The following NBEA variants were observed in gnomAD, a reference collection of about 807,000 sequenced individuals.
The protein encoded by NBEA is neurobeachin, also known as lysosomal-trafficking regulator 2.
A neutral mutation model predicts 343.4 loss-of-function variants in NBEA; 44 were observed. The ratio of observed to expected loss-of-function variants is 0.13; its 90% CI spans 0.10 to 0.16. NBEA has a LOEUF of 0.16. NBEA is among the 10% of genes least tolerant of loss of function. The pLI is 1.00. For missense variants in NBEA, 2,555 were observed against 3,631.3 expected, an observed-to-expected ratio of 0.70 and a Z score of 7.62; for synonymous variants, 1,175 against 1,238.7, an observed-to-expected ratio of 0.95 and a Z score of 1.08.
chr13:35,466,666 G>A (rs1293162592), intron 40 of NBEA, among the ~76,000 whole-genome samples: 4 of 152,020 alleles, frequency 2.6e-5, no homozygotes, highest in Non-Finnish European at 5.9e-5. Context: ...ATGAGATCTC[G>A]CTATATTGCC....
At chr13:35,396,057 G>C (rs116960724) in intron 38 of NBEA, among the ~76,000 whole-genome samples, 5,306 of 152,080 alleles carry the variant, frequency 0.035, 135 homozygotes, top group Non-Finnish European at 0.053. Flanking sequence ...ACAACATATA[G>C]TTGAGTATTG....
chr13:35,400,185 T>A (rs1202811861), intron 38 of NBEA, among the ~76,000 whole-genome samples: 1 of 110,836 alleles, frequency 9.0e-6, no homozygotes, highest in Non-Finnish European at 1.7e-5. Context: ...TTGCCACAAC[T>A]CTTCAATTTG....
At chr13:35,183,844 T>C in intron 29 of NBEA, 132 bp from the exon 30 acceptor site, 1 of 575,722 alleles carries the variant, frequency 1.7e-6, no homozygotes, top group South Asian at 2.5e-5. Flanking sequence ...ACTCTTTTCT[T>C]CAGAGATGCA....
chr13:34,949,086 G>A (rs147142109), intron 1 of NBEA, among the ~76,000 whole-genome samples: 9 of 152,246 alleles, frequency 5.9e-5, no homozygotes, highest in African/African-American at 7.2e-5. Context: ...CCCAAGCCTC[G>A]CATGCAGTAT....
At chr13:35,119,581 A>G (rs529729890) in intron 16 of NBEA, among the ~76,000 whole-genome samples, 2 of 151,388 alleles carry the variant, frequency 1.3e-5, no homozygotes, top group Admixed American at 6.6e-5. Context: ...AACTGTTACA[A>G]TTTTTTTTTC....
chr13:35,155,621 T>TGAAA (rs1298393363), intron 18 of NBEA, among the ~76,000 whole-genome samples, 153 bp from the exon 19 acceptor site: 3 of 152,160 alleles, frequency 2.0e-5, no homozygotes, highest in African/African-American at 4.8e-5. Context: ...AACTCCGTCT[T>TGAAA]GAAAGAAAGA....
At chr13:35,169,474 C>T (rs1243088796) in intron 25 of NBEA, among the ~76,000 whole-genome samples, 1 of 151,286 alleles carries the variant, frequency 6.6e-6, no homozygotes, top group African/African-American at 2.4e-5. Context: ...GTCAAAAAAA[C>T]ACTTTGATGG....
At chr13:35,589,693 T>C (rs962822114) in intron 46 of NBEA, among the ~76,000 whole-genome samples, 1 of 152,108 alleles carries the variant, frequency 6.6e-6, no homozygotes, top group African/African-American at 2.4e-5. Flanking sequence ...CGGCATTAGA[T>C]GCCCACGATG....
At chr13:35,371,920 G>C (rs764428227) in intron 38 of NBEA, among the ~76,000 whole-genome samples, 1 of 152,206 alleles carries the variant, frequency 6.6e-6, no homozygotes, top group African/African-American at 2.4e-5. Context: ...TTAGGGTGTA[G>C]TTGTTTGTGG....
chr13:35,479,594 A>G (rs1459187704), intron 41 of NBEA, among the ~76,000 whole-genome samples: 1 of 152,140 alleles, frequency 6.6e-6, no homozygotes, highest in Non-Finnish European at 1.5e-5. Context: ...TGGGAGTAAT[A>G]TATTTAACTA....
chr13:35,640,939 A>G (rs1048840497), intron 49 of NBEA, among the ~76,000 whole-genome samples: 1 of 152,136 alleles, frequency 6.6e-6, no homozygotes, highest in Non-Finnish European at 1.5e-5. Flanking sequence ...TTAGCTGGAG[A>G]GAAAAATAAA....
At chr13:35,148,011 C>T (rs1455599831) in intron 18 of NBEA, among the ~76,000 whole-genome samples, 3 of 152,182 alleles carry the variant, frequency 2.0e-5, no homozygotes, top group Non-Finnish European at 4.4e-5. Context: ...CTTGGGACAA[C>T]CAACTGCCAG....
chr13:35,608,536 G>A (rs1593355736), intron 48 of NBEA, among the ~76,000 whole-genome samples: 4 of 152,102 alleles, frequency 2.6e-5, no homozygotes, highest in Admixed American at 2.6e-4. Flanking sequence ...TCATTCCATT[G>A]TAGCTCCAGA....
chr13:34,962,071 A>G (rs1354409952), intron 1 of NBEA, among the ~76,000 whole-genome samples: 1 of 151,964 alleles, frequency 6.6e-6, no homozygotes, highest in Non-Finnish European at 1.5e-5. Flanking sequence ...TTTATTTTAC[A>G]TTTTTCTTTT....
intron 48 of NBEA, among the ~76,000 whole-genome samples, chr13:35,617,960 TA>T (rs1164908637): frequency 6.6e-6 from 1 of 152,216 alleles, no homozygotes; most frequent in African/African-American, 2.4e-5. Flanking sequence ...TCCTTGAATA[TA>T]GGCTGTATTT....
intron 48 of NBEA, among the ~76,000 whole-genome samples, chr13:35,627,740 TTTAAA>T (rs1173598759): frequency 1.3e-5 from 2 of 152,178 alleles, no homozygotes; most frequent in African/African-American, 4.8e-5. Context: ...AAAAAGGTAA[TTTAAA>T]TTATTTTTCT....
chr13:35,059,586 C>A (rs2063389432), intron 8 of NBEA, among the ~76,000 whole-genome samples: 1 of 151,706 alleles, frequency 6.6e-6, no homozygotes, highest in Admixed American at 6.6e-5. Flanking sequence ...GTTTATAATT[C>A]TGAAGGAGTA....
rs550344611 is a variant in NBEA at position 35,672,057 on chromosome 13, G to A, written c.*1066G>A. 8.7e-4 allele frequency: 132 copies of A among 152,592 alleles called. No homozygotes were observed. The highest frequency in any genetic ancestry group is 2.9e-3 in the African/African-American group (122 of 41,544). The allele number at this position is 152,592 out of a possible 1,614,324, so 9.5% of individuals were successfully genotyped here. On this transcript the variant is annotated 3_prime_UTR_variant, in exon 59 of 59. Coordinates refer to ENST00000379939, the MANE Select transcript of NBEA (RefSeq NM_001385012.1). ...ACTGAAGTTATTCTTTTAGGTTCTC[G>A]TGAAATTCTCACTGAAAGCCACATT...
chr13:35,260,387 A>C (rs1414723615), intron 34 of NBEA, among the ~76,000 whole-genome samples: 5 of 152,262 alleles, frequency 3.3e-5, no homozygotes, highest in Admixed American at 3.3e-4. Context: ...AATTGGACAA[A>C]ATATATGAAT....
Sources: gnomAD v4.1 joint callset for allele counts (sites outside exome capture counted in the v4.1 genomes callset) on GRCh38, gnomAD v4.1.1 for gene constraint, MANE v1.5 for transcripts, NCBI Gene and HGNC (gene_info 2026-07-23, HGNC 2026-07-21) for gene names.